SFI1: variants seen among roughly 807,000 people sequenced by gnomAD.
SFI1 encodes the protein SFI1 centrin binding protein.
Under a neutral mutation model 207.5 loss-of-function variants are expected in SFI1, and 195 were observed. The ratio of observed to expected loss-of-function variants is 0.94; its 90% CI spans 0.84 to 1.06. The LOEUF (loss-of-function observed/expected upper bound fraction) is 1.06, where lower values mean the gene tolerates loss of function less well. SFI1 is among the 50% of genes least tolerant of loss of function. SFI1 has a pLI of 0.00. For missense variants in SFI1, 1,634 were observed against 1,588.0 expected (o/e 1.03, Z -0.49); for synonymous variants, 630 against 598.9 (o/e 1.05, Z -0.76).
At chr22:31,530,517 A>G in intron 3 of SFI1, 1 of 362,620 alleles carries the variant, frequency 2.8e-6, no homozygotes, top group Middle Eastern at 4.1e-4. Context: ...AAAAAAAGAC[A>G]AGCCACCTTT....
intron 6 of SFI1, among the ~76,000 whole-genome samples, chr22:31,556,638 A>G (rs1298966989): frequency 1.3e-5 from 2 of 152,214 alleles, no homozygotes; most frequent in Admixed American, 6.5e-5. Flanking sequence ...GTTTATTCAT[A>G]TCATTTCGTC....
At chr22:31,571,532 C>T (rs1484099258) in intron 8 of SFI1, among the ~76,000 whole-genome samples, 1 of 151,578 alleles carries the variant, frequency 6.6e-6, no homozygotes, top group East Asian at 1.9e-4. Flanking sequence ...CCAGGCTGGG[C>T]TCAAACTCCT....
chr22:31,584,095 T>G, intron 13 of SFI1, 123 bp downstream of exon 13: 1 of 794,210 alleles, frequency 1.3e-6, no homozygotes, highest in Non-Finnish European at 2.1e-6. Flanking sequence ...CCTGCTGGGG[T>G]GGAGGTCCTG....
At chr22:31,585,272 A>G in intron 14 of SFI1, 138 bp downstream of exon 14, 1 of 634,696 alleles carries the variant, frequency 1.6e-6, no homozygotes, top group Non-Finnish European at 2.6e-6. Context: ...AAAAAGCTCA[A>G]AGTCATTTCT....
chr22:31,593,142 C>T (rs1240288729), intron 15 of SFI1, among the ~76,000 whole-genome samples: 2 of 149,550 alleles, frequency 1.3e-5, no homozygotes, highest in African/African-American at 4.9e-5. Context: ...CTGACCCCCC[C>T]CCACCTCCTT....
At chr22:31,536,739 ATT>A (rs1217062619) in intron 4 of SFI1, among the ~76,000 whole-genome samples, 2 of 152,020 alleles carry the variant, frequency 1.3e-5, no homozygotes, top group Non-Finnish European at 2.9e-5. Flanking sequence ...ACTCAATTTT[ATT>A]TATCTATATT....
intron 4 of SFI1, among the ~76,000 whole-genome samples, chr22:31,536,497 C>T (rs185834203): frequency 4.6e-5 from 7 of 152,298 alleles, no homozygotes; most frequent in African/African-American, 9.6e-5. Flanking sequence ...CTGCAACCGC[C>T]ACCTTCTGGG....
intron 4 of SFI1, among the ~76,000 whole-genome samples, chr22:31,546,112 C>A (rs2060062600): frequency 6.6e-6 from 1 of 151,746 alleles, no homozygotes; most frequent in Non-Finnish European, 1.5e-5. Flanking sequence ...CCAACCTGGT[C>A]CTGAACTCCA....
intron 4 of SFI1, among the ~76,000 whole-genome samples, chr22:31,533,299 A>G (rs2058693442): frequency 6.6e-6 from 1 of 152,166 alleles, no homozygotes; most frequent in African/African-American, 2.4e-5. Context: ...AGGCCAAGAC[A>G]GGCGGATTAC....
At position 31,583,974 on chromosome 22, in the gene SFI1, T is replaced by A; in HGVS notation, c.1346+2T>A. On this transcript the variant is annotated splice_donor_variant, in intron 13 of 32. Coordinates refer to ENST00000400288, the MANE Select transcript of SFI1 (RefSeq NM_001007467.3). LOFTEE classifies it high-confidence loss of function. ...GCATGCTGCCTGGGACCACTACAGG[T>A]AGGGACTCTGGTTTCATCCCTGGCT... 2 of 1,612,376 alleles carry A rather than the reference T, an allele frequency of 1.2e-6. No individual in the cohort carries two copies.
Position 31,602,654 on chromosome 22 carries a change from G to T in SFI1, c.1674G>T (p.Met558Ile). 6.2e-7 allele frequency: 1 copy of T among 1,614,220 alleles called. No individual in the cohort carries two copies. Reference protein sequence around the residue: ...ERQLLYRSWFMWHQQAAARHQ... With the variant: ...ERQLLYRSWFIWHQQAAARHQ... Reference sequence around the variant, plus strand: ...AGCTTCTGTATAGGTCTTGGTTCATGTGGCACCAGCAGGCAGCAGCACGTC... The same window carrying T: ...AGCTTCTGTATAGGTCTTGGTTCATTTGGCACCAGCAGGCAGCAGCACGTC... The change falls in exon 17 of 33, where the codon ATG (methionine) becomes ATT (isoleucine). Residue 558 changes from methionine (M) to isoleucine (I), a missense_variant. Physicochemically the swap from Met to Ile is conservative, Grantham distance 10. Coordinates refer to ENST00000400288, the MANE Select transcript of SFI1 (RefSeq NM_001007467.3).
At chr22:31,497,627 A>G (rs5753659) in intron 1 of SFI1, among the ~76,000 whole-genome samples, 34,911 of 152,050 alleles carry the variant, frequency 0.23, 4,754 homozygotes, top group East Asian at 0.44. Context: ...AGTGAAAGGA[A>G]GAGTTCCATG....
chr22:31,600,024 G>A (rs2067858040), intron 15 of SFI1, among the ~76,000 whole-genome samples: 1 of 151,870 alleles, frequency 6.6e-6, no homozygotes, highest in Non-Finnish European at 1.5e-5. Context: ...CCCCCAACCA[G>A]TGGTACTTTT....
At chr22:31,584,890 CAG>C (rs2146260957) in intron 13 of SFI1, among the ~76,000 whole-genome samples, 176 bp from the exon 14 acceptor site, 1 of 152,202 alleles carries the variant, frequency 6.6e-6, no homozygotes, top group African/African-American at 2.4e-5. Context: ...AGTCCAAAAT[CAG>C]AGGTTGACAA....
intron 2 of SFI1, among the ~76,000 whole-genome samples, chr22:31,528,397 C>A (rs1370032218): frequency 6.6e-6 from 1 of 152,168 alleles, no homozygotes; most frequent in Non-Finnish European, 1.5e-5. Flanking sequence ...GCAATCCAGC[C>A]TGGGCAACGG....
chr22:31,560,866 C>A (rs1009603229), intron 7 of SFI1, among the ~76,000 whole-genome samples: 1 of 151,906 alleles, frequency 6.6e-6, no homozygotes, highest in Non-Finnish European at 1.5e-5. Flanking sequence ...TACCACCTGG[C>A]TATTTTTGTA....
rs780385875 is a variant in SFI1 at position 31,580,339 on chromosome 22, T to C, written c.1223T>C (p.Leu408Pro). ...HAHLQQIRRN[L>P]AHQQHGVTLL... ...CATCTCCAGCAAATAAGAAGGAATCTTGCTCACCAGCAGCATGGTGTCACG... is the reference window on the plus strand; with the variant it reads ...CATCTCCAGCAAATAAGAAGGAATCCTGCTCACCAGCAGCATGGTGTCACG... The change falls in exon 12 of 33, where the codon CTT becomes CCT. Residue 408 changes from leucine to proline, a missense_variant. Physicochemically the swap from Leu to Pro is moderately conservative, Grantham distance 98. Transcript: ENST00000400288. The C allele has an allele frequency of 9.9e-6, 16 of 1,613,836 alleles. No individual in the cohort carries two copies. In the African/African-American group the frequency reaches 1.9e-4, roughly 19 times the overall value.
chr22:31,527,449 AAG>A (rs1569219901), intron 2 of SFI1, among the ~76,000 whole-genome samples: 1 of 152,214 alleles, frequency 6.6e-6, no homozygotes, highest in Non-Finnish European at 1.5e-5. Flanking sequence ...AACAAAATCT[AAG>A]AGACTGATTG....
Position 31,575,378 on chromosome 22 carries a change from C to A in SFI1, c.1070C>A (p.Thr357Asn). The change falls in exon 10 of 33, where the codon ACT becomes AAT. Residue 357 changes from threonine (T) to asparagine (N), a missense_variant. Thr to Asn is a moderately conservative substitution (Grantham distance 65). Coordinates refer to ENST00000400288, the MANE Select transcript of SFI1 (RefSeq NM_001007467.3). ...AAGATGGCCCTGCGGCGCGCCTTTA[C>A]TCACTGGAAACACTGTATCCTTTCA... ...ARKMALRRAF[T>N]HWKHYMLLCA... 1 of 1,609,300 alleles carries A rather than the reference C, an allele frequency of 6.2e-7. No individual in the cohort carries two copies. Among genetic ancestry groups the A allele is most frequent in the Non-Finnish European group, 8.5e-7 (1 of 1,178,084 alleles).
Sources: allele counts gnomAD v4.1 joint callset (sites outside exome capture counted in the v4.1 genomes callset), GRCh38; gene constraint gnomAD v4.1.1; transcripts MANE v1.5; gene names NCBI Gene and HGNC (gene_info 2026-07-23, HGNC 2026-07-21).